Variants in CDH3 observed in about 807,000 individuals in gnomAD.
CDH3 encodes cadherin-3.
Under a neutral mutation model 82.0 loss-of-function variants are expected in CDH3, and 54 were observed. The ratio of observed to expected loss-of-function variants is 0.66; its 90% CI spans 0.53 to 0.83. CDH3 has a LOEUF of 0.83. Among genes scored for constraint, CDH3 ranks in the 40% least tolerant of loss-of-function variants. The pLI is 0.00. For missense variants in CDH3, 1,054 were observed against 1,084.6 expected (o/e 0.97, Z 0.40); for synonymous variants, 446 against 437.9 (o/e 1.02, Z -0.23).
At position 68,679,707 on chromosome 16, in the gene CDH3, A is replaced by AAAG. The variant is rs753348461; in HGVS notation, c.692-90_692-89insGAA. ...GAGACTTCATCTCAAAAAAAAAAAA[A>AAAG]AAAAAAAAAAAGAAAAGAAAAAAAG... On this transcript the variant is annotated intron_variant, in intron 6 of 15. Transcript: ENST00000264012. 4.0e-6 allele frequency: 3 copies of AAAG among 746,342 alleles called. No individual in the cohort carries two copies. In the African/African-American group the frequency reaches 5.5e-5, roughly 14 times the overall value. 46.2% of individuals were successfully genotyped at this position (746,342 alleles called of 1,614,324 possible). A position where few individuals can be genotyped will look rare whatever the true frequency, so the allele number is the denominator to read the frequency against.
intron 2 of CDH3, among the ~76,000 whole-genome samples, chr16:68,666,216 C>T (rs766366767): frequency 2.6e-5 from 4 of 151,806 alleles, no homozygotes; most frequent in Admixed American, 1.3e-4. Context: ...TCACACACCC[C>T]GTCAGCCCTA....
At chr16:68,665,857 T>G (rs981277253) in intron 2 of CDH3, among the ~76,000 whole-genome samples, 1 of 152,152 alleles carries the variant, frequency 6.6e-6, no homozygotes. Flanking sequence ...CCCCTGGAAC[T>G]GCTTTCTCCA....
chr16:68,706,313 A>G (rs1961963252), intron 1 of CDH3, among the ~76,000 whole-genome samples: 2 of 151,578 alleles, frequency 1.3e-5, no homozygotes, highest in South Asian at 4.2e-4. Flanking sequence ...CCAGCCCAGG[A>G]GCAGCGGCCA....
chr16:68,692,077 C>A, intron 13 of CDH3, 151 bp downstream of exon 13: 1 of 631,244 alleles, frequency 1.6e-6, no homozygotes. Context: ...CACTCTGTCA[C>A]CCAGGCTGGA....
intron 3 of CDH3, among the ~76,000 whole-genome samples, 173 bp downstream of exon 3, chr16:68,676,643 G>T (rs372670478): frequency 2.0e-5 from 3 of 152,166 alleles, no homozygotes; most frequent in Admixed American, 1.3e-4. Flanking sequence ...TGATCTAAGG[G>T]GGGTAGTGCT....
At chr16:68,667,416 G>C (rs1960762653) in intron 2 of CDH3, among the ~76,000 whole-genome samples, 3 of 152,178 alleles carry the variant, frequency 2.0e-5, no homozygotes, top group Admixed American at 2.0e-4. Context: ...AATACCCAGA[G>C]ATCAGTAGGG....
intron 3 of CDH3, among the ~76,000 whole-genome samples, chr16:68,677,817 A>G (rs1961073647): frequency 6.6e-6 from 1 of 152,210 alleles, no homozygotes; most frequent in South Asian, 2.1e-4. Context: ...TTAGAGCTGC[A>G]TAGTATTCCA....
At chr16:68,687,447 A>C (rs752144616) in intron 11 of CDH3, 65 bp from the exon 12 acceptor site, 27 of 1,304,420 alleles carry the variant, frequency 2.1e-5, no homozygotes, top group Non-Finnish European at 3.0e-5. Flanking sequence ...GGTAAACAGG[A>C]GGAGCCCCCC....
exon 2 of CDH3, chr16:68,722,566 A>C (rs12923655): frequency 0.36 from 55,268 of 152,096 alleles, 11,243 homozygotes; most frequent in East Asian, 0.49. Flanking sequence ...ATACATGAGT[A>C]CATGAGCACG....
At chr16:68,646,950 G>A (rs1960091138) in intron 2 of CDH3, among the ~76,000 whole-genome samples, 1 of 151,472 alleles carries the variant, frequency 6.6e-6, no homozygotes, top group South Asian at 2.1e-4. Context: ...GAGGATTGAG[G>A]ACCTTGAGTC....
rs979570169 is a variant in CDH3 at position 68,685,198 on chromosome 16, T to A, written c.1425-7T>A. 6.2e-7 allele frequency: 1 copy of A among 1,613,932 alleles called. No individual in the cohort carries two copies. Among genetic ancestry groups the A allele is most frequent in the East Asian group, 2.2e-5 (1 of 44,872 alleles). ...TGGATGTACTCGTCTCAACTTTTCC[T>A]CTCCAGCTACCGCATCCTGAGAGAC... On this transcript the variant is annotated splice_region_variant and splice_polypyrimidine_tract_variant and intron_variant, in intron 10 of 15. Coordinates refer to ENST00000264012, the MANE Select transcript of CDH3 (RefSeq NM_001793.6).
chr16:68,725,978 C>T (rs1962214887), intron 2 of CDH3, among the ~76,000 whole-genome samples: 1 of 152,046 alleles, frequency 6.6e-6, no homozygotes, highest in Non-Finnish European at 1.5e-5. Flanking sequence ...TCGCTTGAGC[C>T]CAGGAGGCAG....
chr16:68,691,626 C>CATGT (rs1418230219), intron 12 of CDH3, 94 bp from the exon 13 acceptor site: 65 of 944,062 alleles, frequency 6.9e-5, no homozygotes, highest in Non-Finnish European at 1.1e-4. Context: ...GCATTGCCCA[C>CATGT]ATGTGGAAGC....
chr16:68,671,134 G>A (rs1182921330), intron 2 of CDH3, among the ~76,000 whole-genome samples: 1 of 151,266 alleles, frequency 6.6e-6, no homozygotes, highest in Non-Finnish European at 1.5e-5. Flanking sequence ...TTTAGAAGGG[G>A]AGGGATTTTA....
At chr16:68,709,951 C>G (rs1962006941) in intron 1 of CDH3, among the ~76,000 whole-genome samples, 1 of 152,252 alleles carries the variant, frequency 6.6e-6, no homozygotes, top group South Asian at 2.1e-4. Context: ...AGCACCCCAA[C>G]TGGGATGGCC....
At position 68,678,533 on chromosome 16, in the gene CDH3, T is replaced by A. The variant is rs532947095; in HGVS notation, c.423T>A (p.Ile141=). ...CTAATAAAGATAGAGACACCAAGAT[T>A]TTCTACAGCATCACGGGGCCGGGGG... The part of the protein sequence containing the change: ...LKSNKDRDTK[I]FYSITGPGAD... The change falls in exon 5 of 16, where the codon ATT becomes ATA. Residue 141 remains isoleucine, a synonymous_variant. Transcript: ENST00000264012. The A allele has an allele frequency of 6.2e-7, 1 of 1,614,272 alleles. No individual in the cohort carries two copies. The highest frequency in any genetic ancestry group is 8.5e-7 in the Non-Finnish European group (1 of 1,180,044).
downstream of CDH3, among the ~76,000 whole-genome samples, chr16:68,730,798 A>C (rs985271145): frequency 2.6e-5 from 4 of 151,678 alleles, no homozygotes; most frequent in Admixed American, 2.0e-4. Flanking sequence ...AGGTGGGCGG[A>C]TCACCTGAGG....
intron 1 of CDH3, among the ~76,000 whole-genome samples, chr16:68,713,705 C>A (rs1047109711): frequency 2.6e-5 from 4 of 152,234 alleles, no homozygotes; most frequent in African/African-American, 9.6e-5. Flanking sequence ...TCATTGGACG[C>A]CCTTCAAATC....
At chr16:68,716,104 A>T (rs1962091812) in intron 1 of CDH3, among the ~76,000 whole-genome samples, 1 of 151,924 alleles carries the variant, frequency 6.6e-6, no homozygotes, top group Non-Finnish European at 1.5e-5. Flanking sequence ...CCCCATCTCT[A>T]CTAAAAATAC....
Sources: allele counts gnomAD v4.1 joint callset (sites outside exome capture counted in the v4.1 genomes callset), GRCh38; gene constraint gnomAD v4.1.1; transcripts MANE v1.5; gene names NCBI Gene and HGNC (gene_info 2026-07-23, HGNC 2026-07-21).